The following EIF3K variants were observed in gnomAD, a reference collection of about 807,000 sequenced individuals.
EIF3K encodes the protein eIF-3 p28.
A neutral mutation model predicts 34.2 loss-of-function variants in EIF3K; 27 were observed. That is an observed-to-expected ratio of 0.79 (90% CI 0.58 to 1.09). The LOEUF (loss-of-function observed/expected upper bound fraction) is 1.09. EIF3K is among the 50% of genes least tolerant of loss of function. EIF3K has a pLI of 0.00. For synonymous variants in EIF3K, 105 were observed against 105.7 expected (o/e 0.99, Z 0.04); for missense variants, 232 against 275.4 (o/e 0.84, Z 1.11).
At chr19:38,624,031 G>A (rs1975896808) in intron 2 of EIF3K, 46 bp from the exon 3 acceptor site, 1 of 1,612,956 alleles carries the variant, frequency 6.2e-7, no homozygotes, top group Non-Finnish European at 8.5e-7. Flanking sequence ...GAGGATTGGG[G>A]ACTTGGAGGT....
intron 6 of EIF3K, among the ~76,000 whole-genome samples, chr19:38,634,169 G>A (rs1265602477): frequency 2.2e-5 from 3 of 135,672 alleles, no homozygotes; most frequent in African/African-American, 5.6e-5. Flanking sequence ...GCATAATCTC[G>A]GCTCACTGCA....
At chr19:38,627,675 C>CAAA (rs950887744) in intron 4 of EIF3K, among the ~76,000 whole-genome samples, 1 of 136,330 alleles carries the variant, frequency 7.3e-6, no homozygotes, top group Admixed American at 7.4e-5. Context: ...GACTCCGTCT[C>CAAA]AAAAAAAAAA....
At chr19:38,629,857 A>C (rs1976024167) in intron 4 of EIF3K, among the ~76,000 whole-genome samples, 1 of 152,180 alleles carries the variant, frequency 6.6e-6, no homozygotes, top group African/African-American at 2.4e-5. Flanking sequence ...AGGTGAGGGC[A>C]CAGAGGTGAC....
chr19:38,619,217 G>A lies in EIF3K; in HGVS notation c.-52G>A. On this transcript the variant is annotated 5_prime_UTR_variant, in exon 1 of 8. In the 5' UTR this introduces an upstream ATG that the reference lacks. Transcript: ENST00000248342. The stretch of plus-strand genomic sequence containing the variant: ...TCCTGTTCCCGTCCTTGAGGACGCC[G>A]TGCCGGGTCAGTGTTAGCCTCCAGC... 3 of 1,597,224 alleles carry A rather than the reference G, an allele frequency of 1.9e-6. No individual in the cohort carries two copies. The highest frequency in any genetic ancestry group is 2.2e-5 in the South Asian group (2 of 90,242).
chr19:38,626,143 C>T (rs1220149014), intron 4 of EIF3K, 41 bp downstream of exon 4: 1 of 1,580,826 alleles, frequency 6.3e-7, no homozygotes, highest in South Asian at 1.1e-5. Context: ...GATGGCAGGG[C>T]CATGTGGAGC....
At chr19:38,620,172 A>G (rs538450381) in intron 1 of EIF3K, among the ~76,000 whole-genome samples, 165 bp from the exon 2 acceptor site, 11 of 152,338 alleles carry the variant, frequency 7.2e-5, no homozygotes, top group African/African-American at 2.6e-4. Context: ...AAGTTTTACT[A>G]GAGATTATAC....
In EIF3K at chr19:38,632,628, A is replaced by G; in HGVS notation, c.449A>G (p.Tyr150Cys). Residue 150 changes from tyrosine to cysteine, a missense_variant, in exon 6 of 8, where the codon TAC becomes TGC. Tyr to Cys is a radical substitution (Grantham distance 194). Coordinates refer to ENST00000248342, the MANE Select transcript of EIF3K (RefSeq NM_013234.4). ...KFICHVVGIT[Y>C]QHIDRWLLAE... ...ATCTGCCATGTTGTGGGTATCACTT[A>G]CCAGCACATTGACCGCTGGCTGCTG... 2.5e-6 allele frequency: 4 copies of G among 1,613,936 alleles called. No homozygotes were observed. The highest frequency in any genetic ancestry group is 3.4e-6 in the Non-Finnish European group (4 of 1,179,928).
rs80041696 is a variant in EIF3K, at chr19:38,625,881, G to A, written c.280-147G>A. On this transcript the variant is annotated intron_variant, in intron 3 of 7. Coordinates refer to ENST00000248342, the MANE Select transcript of EIF3K (RefSeq NM_013234.4). ...TCCTTTCTCCTGCATACACCTGCAGGAGAAATAAGCTGGCTTCCTTTTCCA... is the reference window on the plus strand; with the variant it reads ...TCCTTTCTCCTGCATACACCTGCAGAAGAAATAAGCTGGCTTCCTTTTCCA... 1.8e-3 allele frequency: 1,367 copies of A among 749,908 alleles called. 14 individuals are homozygous for A. In the African/African-American group the frequency reaches 0.022, roughly 12 times the overall value. 46.5% of individuals were successfully genotyped at this position (749,908 alleles called of 1,614,324 possible). A position where few individuals can be genotyped will look rare whatever the true frequency, so the allele number is the denominator to read the frequency against.
rs1044780135 is a variant in EIF3K at position 38,632,894 on chromosome 19, A to G, written c.499+216A>G. 1.6e-5 allele frequency: 8 copies of G among 513,536 alleles called. No individual in the cohort carries two copies. The Admixed American group carries it at 1.8e-4, about 12-fold the overall frequency. 31.8% of individuals were successfully genotyped at this position (513,536 alleles called of 1,614,324 possible). A position where few individuals can be genotyped will look rare whatever the true frequency, so the allele number is the denominator to read the frequency against. ...TTTATTTTGCATTAATTGAGTGCCT[A>G]CCGTGTGTCAGTGTGCTAAACTGGG... is the stretch of plus-strand genomic sequence containing the variant. On this transcript the variant is annotated intron_variant, in intron 6 of 7. Transcript: ENST00000248342.
At chr19:38,632,578 G>A (rs777756974) in intron 5 of EIF3K, 23 bp from the exon 6 acceptor site, 16 of 1,613,388 alleles carry the variant, frequency 9.9e-6, no homozygotes, top group East Asian at 2.2e-5. Flanking sequence ...GCTGCTCACC[G>A]GTTTTGTCTC....
intron 4 of EIF3K, chr19:38,631,986 C>G (rs1242357718): frequency 5.2e-6 from 1 of 190,758 alleles, no homozygotes; most frequent in Non-Finnish European, 1.1e-5. Context: ...TTAACAGCAT[C>G]TCAAGGCAGA....
At chr19:38,632,734 T>TG (rs1231524530) in intron 6 of EIF3K, 56 bp downstream of exon 6, 15 of 1,505,402 alleles carry the variant, frequency 1.0e-5, no homozygotes, top group Non-Finnish European at 1.4e-5. Flanking sequence ...GCTAGGGCAG[T>TG]GGACCTCAGT....
At chr19:38,627,011 CAG>C (rs1975964282) in intron 4 of EIF3K, among the ~76,000 whole-genome samples, 6 of 151,950 alleles carry the variant, frequency 3.9e-5, no homozygotes, top group Admixed American at 3.9e-4. Context: ...ATTTTTGAGA[CAG>C]AGTCTCAGTC....
At chr19:38,623,395 C>T (rs1303907204) in intron 2 of EIF3K, among the ~76,000 whole-genome samples, 1 of 152,228 alleles carries the variant, frequency 6.6e-6, no homozygotes, top group Non-Finnish European at 1.5e-5. Context: ...TCTCGAACTC[C>T]TGACCTCAGG....
intron 2 of EIF3K, among the ~76,000 whole-genome samples, chr19:38,621,104 G>A (rs1975830206): frequency 6.6e-6 from 1 of 151,684 alleles, no homozygotes; most frequent in East Asian, 1.9e-4. Flanking sequence ...GGCTGAGGTG[G>A]AAGGATCGCT....
At chr19:38,635,556 A>G in intron 7 of EIF3K, 1 of 230,802 alleles carries the variant, frequency 4.3e-6, no homozygotes, top group Non-Finnish European at 8.6e-6. Context: ...CATCTAAAAA[A>G]TGGGGACGAC....
chr19:38,634,427 C>G (rs563717927), intron 6 of EIF3K, among the ~76,000 whole-genome samples: 1 of 151,612 alleles, frequency 6.6e-6, no homozygotes, highest in Admixed American at 6.6e-5. Context: ...GGAGAAACCC[C>G]ATCTCTACTA....
intron 4 of EIF3K, among the ~76,000 whole-genome samples, chr19:38,631,337 G>A (rs1976060722): frequency 6.6e-6 from 1 of 152,180 alleles, no homozygotes; most frequent in Non-Finnish European, 1.5e-5. Flanking sequence ...TCTCGGAGAG[G>A]GGGATGTGGC....
At position 38,635,045 on chromosome 19, in the gene EIF3K, G is replaced by C; in HGVS notation, c.552G>C (p.Ser184=). Residue 184 remains serine, a synonymous_variant, in exon 7 of 8, where the codon TCG becomes TCC. Transcript: ENST00000248342. ...AATACGGCTGGAGTGCCGACGAGTC[G>C]GGGCAGATCTTCATCTGTAGCCAAG... The part of the protein sequence containing the change: ...MSKYGWSADE[S]GQIFICSQEE... 6.2e-7 allele frequency: 1 copy of C among 1,614,136 alleles called. No individual in the cohort carries two copies. Among genetic ancestry groups the C allele is most frequent in the Non-Finnish European group, 8.5e-7 (1 of 1,180,026 alleles).
Sources: gnomAD v4.1 joint callset for allele counts (sites outside exome capture counted in the v4.1 genomes callset) on GRCh38, gnomAD v4.1.1 for gene constraint, MANE v1.5 for transcripts, NCBI Gene and HGNC (gene_info 2026-07-23, HGNC 2026-07-21) for gene names.